The following NRXN3 variants were observed in gnomAD, a reference collection of about 807,000 sequenced individuals.
NRXN3 encodes the protein neurexin III.
Under a neutral mutation model 137.6 loss-of-function variants are expected in NRXN3, and 32 were observed. That is an observed-to-expected ratio of 0.23 (90% CI 0.18 to 0.31). NRXN3 has a LOEUF of 0.31. Ranked by LOEUF, NRXN3 falls within the 10% of genes least tolerant of loss-of-function variation. The pLI is 1.00. For synonymous variants in NRXN3, 798 were observed against 784.5 expected, an observed-to-expected ratio of 1.02 and a Z score of -0.29; for missense variants, 1,574 against 2,062.5, an observed-to-expected ratio of 0.76 and a Z score of 4.59.
chr14:79,724,189 G>C (rs541537984), intron 19 of NRXN3, among the ~76,000 whole-genome samples: 4 of 152,144 alleles, frequency 2.6e-5, no homozygotes, highest in Non-Finnish European at 5.9e-5. Context: ...CGGCACACAA[G>C]TGTGACCTGG....
chr14:79,069,038 G>C (rs2099684163), intron 15 of NRXN3, among the ~76,000 whole-genome samples: 1 of 152,056 alleles, frequency 6.6e-6, no homozygotes, highest in Admixed American at 6.6e-5. Context: ...GAAATGATAT[G>C]GTTCCCACTG....
At chr14:79,395,352 A>C (rs1286028514) in intron 15 of NRXN3, among the ~76,000 whole-genome samples, 1 of 152,218 alleles carries the variant, frequency 6.6e-6, no homozygotes, top group Non-Finnish European at 1.5e-5. Context: ...TATGTAAGGC[A>C]TTTGATTCCA....
At chr14:78,595,460 C>T (rs2097150874) in intron 4 of NRXN3, among the ~76,000 whole-genome samples, 2 of 152,182 alleles carry the variant, frequency 1.3e-5, no homozygotes, top group African/African-American at 2.4e-5. Flanking sequence ...TTGCTGACTC[C>T]TGGCAGTGTC....
At chr14:78,857,609 G>T (rs2099061118) in intron 10 of NRXN3, among the ~76,000 whole-genome samples, 1 of 152,156 alleles carries the variant, frequency 6.6e-6, no homozygotes. Flanking sequence ...TAAGGGATAT[G>T]AATGTATGCT....
At position 78,243,650 on chromosome 14, in the gene NRXN3, C is replaced by G; in HGVS notation, c.557C>G (p.Pro186Arg). 6.3e-7 allele frequency: 1 copy of G among 1,598,442 alleles called. No individual in the cohort carries two copies. Among genetic ancestry groups the G allele is most frequent in the Non-Finnish European group, 8.5e-7 (1 of 1,179,816 alleles). ...ILDLKYGNSE[P>R]RLLGSRGVQM... ...GATCTCAAGTATGGAAACTCGGAGCCTCGGCTTCTGGGGAGCCGGGGTGTC... is the reference window on the plus strand; with the variant it reads ...GATCTCAAGTATGGAAACTCGGAGCGTCGGCTTCTGGGGAGCCGGGGTGTC... The change falls in exon 2 of 21, where the codon CCT becomes CGT. Residue 186 changes from proline to arginine, a missense_variant. Physicochemically the swap from Pro to Arg is moderately radical, Grantham distance 103 (BLOSUM62 -2). Transcript: ENST00000335750. This position sits in a 1 kb window ranked among gnomAD's most constrained non-coding sequence, Gnocchi z 4.2.
At chr14:79,691,665 CT>C (rs1374702441) in intron 17 of NRXN3, among the ~76,000 whole-genome samples, 4 of 152,058 alleles carry the variant, frequency 2.6e-5, no homozygotes, top group African/African-American at 9.7e-5. Flanking sequence ...CTCCTTTCCC[CT>C]GTCGGAACAT....
intron 6 of NRXN3, among the ~76,000 whole-genome samples, chr14:78,685,719 A>G (rs1602414719): frequency 7.8e-6 from 1 of 128,902 alleles, no homozygotes; most frequent in Admixed American, 8.7e-5. Flanking sequence ...CACAACCTCC[A>G]CCTCCTGGGT....
intron 15 of NRXN3, among the ~76,000 whole-genome samples, chr14:79,342,743 C>T (rs193211934): frequency 1.3e-5 from 2 of 152,136 alleles, no homozygotes; most frequent in Non-Finnish European, 2.9e-5. Context: ...ATTGCTCCAA[C>T]CAATAAAACC....
intron 16 of NRXN3, among the ~76,000 whole-genome samples, chr14:79,508,793 A>G (rs532955716): frequency 2.6e-5 from 4 of 152,178 alleles, no homozygotes; most frequent in South Asian, 2.1e-4. Flanking sequence ...TTTCAGTTCA[A>G]TGTTTCGACC....
intron 16 of NRXN3, among the ~76,000 whole-genome samples, chr14:79,652,540 G>A (rs888871673): frequency 3.3e-5 from 5 of 152,042 alleles, no homozygotes; most frequent in African/African-American, 1.2e-4. Flanking sequence ...TTTATACTTT[G>A]GTAGGGATAC....
At chr14:79,049,112 G>A (rs1428425772) in intron 15 of NRXN3, among the ~76,000 whole-genome samples, 2 of 118,056 alleles carry the variant, frequency 1.7e-5, no homozygotes, top group Non-Finnish European at 3.5e-5. Context: ...GGGGTGTGCT[G>A]CATTGACTGA....
chr14:78,196,929 T>C (rs2061283554), intron 1 of NRXN3, among the ~76,000 whole-genome samples: 1 of 152,202 alleles, frequency 6.6e-6, no homozygotes, highest in Admixed American at 6.5e-5. Flanking sequence ...TAGGTTAGGC[T>C]TCCTCCAGAT....
intron 15 of NRXN3, among the ~76,000 whole-genome samples, chr14:79,259,652 T>G (rs919027329): frequency 1.3e-4 from 19 of 148,390 alleles, no homozygotes; most frequent in African/African-American, 3.4e-4. Flanking sequence ...GTTATCTATA[T>G]ATAGCTATAT....
intron 4 of NRXN3, among the ~76,000 whole-genome samples, chr14:78,366,066 TC>T (rs368814808): frequency 1.4e-3 from 207 of 152,262 alleles, no homozygotes; most frequent in African/African-American, 4.2e-3. Context: ...CTCTCAAGCC[TC>T]AGTTTCTTCC....
chr14:79,676,688 C>T (rs147507310), intron 17 of NRXN3, among the ~76,000 whole-genome samples: 2 of 151,932 alleles, frequency 1.3e-5, no homozygotes, highest in African/African-American at 4.8e-5. Flanking sequence ...ATATGTATAT[C>T]AAGATTACAT....
intron 19 of NRXN3, among the ~76,000 whole-genome samples, chr14:79,710,531 C>T (rs1379785242): frequency 6.6e-6 from 1 of 152,050 alleles, no homozygotes; most frequent in African/African-American, 2.4e-5. Context: ...TATTGTAACA[C>T]GTGTCTACTG....
intron 15 of NRXN3, among the ~76,000 whole-genome samples, chr14:79,016,705 C>T (rs1335677460): frequency 6.6e-6 from 1 of 152,174 alleles, no homozygotes; most frequent in African/African-American, 2.4e-5. Context: ...TCATTTAACT[C>T]TGCTGTTGTC....
intron 8 of NRXN3, among the ~76,000 whole-genome samples, chr14:78,796,007 G>A (rs1312608011): frequency 6.6e-6 from 1 of 152,308 alleles, no homozygotes; most frequent in Non-Finnish European, 1.5e-5. Context: ...CCAGTTATCA[G>A]TCTAGGGCTA....
At chr14:78,359,882 T>A (rs1416154984) in intron 4 of NRXN3, among the ~76,000 whole-genome samples, 1 of 152,150 alleles carries the variant, frequency 6.6e-6, no homozygotes, top group East Asian at 1.9e-4. Context: ...CCCTGCACCC[T>A]CCTGCCTTCT....
Sources: gnomAD v4.1 joint callset for allele counts (sites outside exome capture counted in the v4.1 genomes callset) on GRCh38, gnomAD v4.1.1 for gene constraint, Gnocchi (gnomAD v3.1) non-coding constraint, MANE v1.5 for transcripts, NCBI Gene and HGNC (gene_info 2026-07-23, HGNC 2026-07-21) for gene names.